MAGEA11: variants seen among roughly 807,000 people sequenced by gnomAD.
MAGEA11 encodes melanoma-associated antigen 11.
Under a neutral mutation model 8.4 loss-of-function variants are expected in MAGEA11, and 1 was observed. The ratio of observed to expected loss-of-function variants is 0.12; its 90% CI spans 0.04 to 0.57. MAGEA11 has a LOEUF of 0.57. Ranked by LOEUF, MAGEA11 falls within the 20% of genes least tolerant of loss-of-function variation. The pLI, the probability that MAGEA11 is intolerant of heterozygous loss-of-function variation, is 0.91. For missense variants in MAGEA11, 209 were observed against 317.3 expected, an observed-to-expected ratio of 0.66 and a Z score of 2.59; for synonymous variants, 127 against 119.3, an observed-to-expected ratio of 1.06 and a Z score of -0.42.
intron 1 of MAGEA11, among the ~76,000 whole-genome samples, chrX:149,704,267 T>C (rs1179525685): frequency 2.7e-5 from 3 of 112,147 alleles, no homozygotes; most frequent in Admixed American, 1.9e-4. Context: ...AGTTTCTGCA[T>C]TGAGAGCTCC....
At position 149,715,765 on chromosome X, in the gene MAGEA11, C is replaced by T. The variant is rs2090423423; in HGVS notation, c.279C>T (p.Pro93=). 1 of 1,200,137 alleles carries T rather than the reference C, an allele frequency of 8.3e-7. No homozygotes were observed. Among genetic ancestry groups the T allele is most frequent in the African/African-American group, 1.8e-5 (1 of 56,713 alleles). The change falls in exon 5 of 5, where the codon CCC becomes CCT. Residue 93 remains proline (P), a synonymous_variant. Transcript: ENST00000355220. Reference sequence around the variant, plus strand: ...CCTCTCTCCCCAGGCTGTGGGGCCCCATCACCCAGATATTTCCCACAGTTC... The same window carrying T: ...CCTCTCTCCCCAGGCTGTGGGGCCCTATCACCCAGATATTTCCCACAGTTC... The part of the protein sequence containing the change: ...ITGGEQVLWG[P]ITQIFPTVRP...
chrX:149,694,883 G>A (rs139252509), intron 1 of MAGEA11, among the ~76,000 whole-genome samples: 1,219 of 110,317 alleles, frequency 0.011, 15 homozygotes, highest in Admixed American at 0.05. Flanking sequence ...CATCACACCC[G>A]GCTACCTTTT....
intron 1 of MAGEA11, among the ~76,000 whole-genome samples, chrX:149,705,350 A>G (rs1300226611): frequency 2.7e-5 from 3 of 111,798 alleles, no homozygotes; most frequent in Non-Finnish European, 5.6e-5. Context: ...TGGTTTTTAC[A>G]AAATGAGAGT....
At chrX:149,706,783 G>A (rs1368943671) in intron 1 of MAGEA11, among the ~76,000 whole-genome samples, 2 of 112,271 alleles carry the variant, frequency 1.8e-5, no homozygotes, top group East Asian at 5.6e-4. Context: ...CCAAGGTGAT[G>A]GGGGCTCAGA....
chrX:149,695,408 C>CA (rs1232811899), intron 1 of MAGEA11, among the ~76,000 whole-genome samples: 47 of 103,908 alleles, frequency 4.5e-4, no homozygotes, highest in South Asian at 1.7e-3. Context: ...AAACTAAAAA[C>CA]AAAAAAAAAA....
chrX:149,690,075 C>G (rs1337790516), intron 1 of MAGEA11, among the ~76,000 whole-genome samples: 2 of 111,836 alleles, frequency 1.8e-5, no homozygotes, highest in Non-Finnish European at 3.8e-5. Flanking sequence ...CCTATCATCA[C>G]CAAACAGCAC....
chrX:149,700,308 CTCTAAAACTGTGCAA>C (rs2090346744), intron 1 of MAGEA11, among the ~76,000 whole-genome samples: 1 of 112,470 alleles, frequency 8.9e-6, no homozygotes, highest in Non-Finnish European at 1.9e-5. Context: ...CAACATGTCT[CTCTAAAACTGTGCAA>C]TCAACAATGC....
intron 1 of MAGEA11, among the ~76,000 whole-genome samples, chrX:149,706,709 C>T (rs1300259565): frequency 8.9e-6 from 1 of 111,769 alleles, no homozygotes; most frequent in Admixed American, 9.5e-5. Context: ...GCTGCAATTC[C>T]AAGCCCCAGT....
chrX:149,696,106 C>T (rs1323791745), intron 1 of MAGEA11, among the ~76,000 whole-genome samples: 1 of 111,266 alleles, frequency 9.0e-6, no homozygotes. Context: ...TCCTAACTAG[C>T]CCCCAGGTGA....
intron 1 of MAGEA11, among the ~76,000 whole-genome samples, chrX:149,691,335 CAT>C (rs782796251): frequency 1.2e-3 from 134 of 111,447 alleles, no homozygotes; most frequent in African/African-American, 4.1e-3. Context: ...TTATCAGTGT[CAT>C]GTGTGTGTTT....
intron 1 of MAGEA11, among the ~76,000 whole-genome samples, chrX:149,696,815 T>A (rs1267667053): frequency 1.8e-5 from 2 of 111,982 alleles, no homozygotes; most frequent in Non-Finnish European, 3.8e-5. Flanking sequence ...TTACATGGCT[T>A]CTGGCCCTAG....
intron 1 of MAGEA11, among the ~76,000 whole-genome samples, chrX:149,703,733 A>C (rs909892133): frequency 1.8e-5 from 2 of 112,337 alleles, no homozygotes; most frequent in African/African-American, 6.5e-5. Flanking sequence ...GCACATGTGG[A>C]TCATAAGACA....
Position 149,713,093 on chromosome X carries a change from GC to G in MAGEA11, c.-17-41del, listed in dbSNP as rs368893040. 4,506 of 804,891 alleles carry G rather than the reference GC, an allele frequency of 5.6e-3. 12 individuals carry two copies. Among genetic ancestry groups the G allele is most frequent in the Non-Finnish European group, 6.7e-3 (3,703 of 548,814 alleles). 66.3% of individuals were successfully genotyped at this position (804,891 alleles called of 1,213,427 possible). On this transcript the variant is annotated intron_variant, in intron 1 of 4. Coordinates refer to ENST00000355220, the MANE Select transcript of MAGEA11 (RefSeq NM_005366.5). ...TGAAGGGACCCAGCACCCCAGAACA[GC>G]CCCCCCCCATAGTCCCGCCGTCTCA... is the stretch of plus-strand genomic sequence containing the variant.
At chrX:149,711,199 T>G (rs1168159737), upstream of MAGEA11, among the ~76,000 whole-genome samples, 3 of 112,360 alleles carry the variant, frequency 2.7e-5, no homozygotes, top group African/African-American at 9.7e-5. Context: ...AGATAAAGAA[T>G]GGATTAAATT....
chrX:149,689,049 C>T, intron 1 of MAGEA11: 6 of 920,511 alleles, frequency 6.5e-6, no homozygotes, highest in Non-Finnish European at 8.8e-6. Flanking sequence ...CCAACTAATT[C>T]AGTAACTATA....
chrX:149,688,743 A>G (rs1401928596), upstream of MAGEA11: 7 of 251,848 alleles, frequency 2.8e-5, no homozygotes, highest in African/African-American at 1.5e-4. Flanking sequence ...CAATTAGCCT[A>G]CATTAAAATT....
At chrX:149,695,162 A>G (rs2090325851) in intron 1 of MAGEA11, among the ~76,000 whole-genome samples, 1 of 111,957 alleles carries the variant, frequency 8.9e-6, no homozygotes, top group Non-Finnish European at 1.9e-5. Flanking sequence ...ACTATCTAAG[A>G]GCCTAGAATG....
chrX:149,712,961 A>C (rs1367180544), intron 1 of MAGEA11, among the ~76,000 whole-genome samples, 182 bp from the exon 2 acceptor site: 1 of 112,179 alleles, frequency 8.9e-6, no homozygotes, highest in Non-Finnish European at 1.9e-5. Context: ...TGATTTCCGC[A>C]TCCTGGGCTG....
Sources: allele counts gnomAD v4.1 joint callset (sites outside exome capture counted in the v4.1 genomes callset), GRCh38; gene constraint gnomAD v4.1.1; transcripts MANE v1.5; gene names NCBI Gene and HGNC (gene_info 2026-07-23, HGNC 2026-07-21).